OTOGL: variants seen among roughly 807,000 people sequenced by gnomAD.
The protein encoded by OTOGL is otogelin like.
OTOGL carries 285 observed loss-of-function variants against 318.5 expected under a neutral mutation model. That is an observed-to-expected ratio of 0.89 (90% confidence interval 0.81 to 0.99). The LOEUF (loss-of-function observed/expected upper bound fraction) is 0.99, where lower values mean the gene tolerates loss of function less well. Among genes scored for constraint, OTOGL ranks in the 50% least tolerant of loss-of-function variants. OTOGL has a pLI of 0.00. For synonymous variants in OTOGL, 987 were observed against 936.5 expected, an observed-to-expected ratio of 1.05 and a Z score of -0.99; for missense variants, 2,899 against 2,845.6, an observed-to-expected ratio of 1.02 and a Z score of -0.43.
intron 1 of OTOGL, among the ~76,000 whole-genome samples, chr12:80,151,311 G>A (rs1249506619): frequency 6.6e-6 from 1 of 152,194 alleles, no homozygotes; most frequent in Non-Finnish European, 1.5e-5. Context: ...CGAGCCTAAA[G>A]TATCCCATGG....
chr12:80,130,015 T>TC (rs1363210916), intron 1 of OTOGL, among the ~76,000 whole-genome samples: 1 of 152,206 alleles, frequency 6.6e-6, no homozygotes, highest in Non-Finnish European at 1.5e-5. Flanking sequence ...TGCCTATTTT[T>TC]CCTCTGTAAT....
Position 80,148,244 on chromosome 12 carries a change from G to T in OTOGL, c.-20+48639G>T, listed in dbSNP as rs535371618. Among the ~76,000 whole-genome samples, 67 of 146,354 alleles carry T rather than the reference G, an allele frequency of 4.6e-4. 2 individuals carry two copies. Among genetic ancestry groups the T allele is most frequent in the Admixed American group, 1.6e-3 (24 of 14,596 alleles). ...TCCTTCAGGAGCTCTTGTAGGGCAG[G>T]TCCGGTGGTGACAAAATCTCTCAGC... On this transcript the variant is annotated intron_variant, in intron 1 of 58. Coordinates refer to ENST00000547103, the MANE Select transcript of OTOGL (RefSeq NM_001378609.3).
At chr12:80,188,065 G>T (rs949246828) in intron 1 of OTOGL, among the ~76,000 whole-genome samples, 2 of 152,282 alleles carry the variant, frequency 1.3e-5, no homozygotes, top group South Asian at 2.1e-4. Context: ...TGGGGAGAGG[G>T]TTGAGATTTC....
At chr12:80,231,429 G>T (rs940108926) in intron 8 of OTOGL, among the ~76,000 whole-genome samples, 1 of 151,902 alleles carries the variant, frequency 6.6e-6, no homozygotes, top group Non-Finnish European at 1.5e-5. Context: ...CAGATATTTT[G>T]AATTGTTTCT....
chr12:80,370,682 G>A lies in OTOGL; in HGVS notation c.6728G>A (p.Cys2243Tyr). The A allele has an allele frequency of 1.3e-6, 2 of 1,573,202 alleles. No individual in the cohort carries two copies. Among genetic ancestry groups the A allele is most frequent in the Non-Finnish European group, 8.7e-7 (1 of 1,155,886 alleles). ...MVCPPFNETE[C>Y]KMNEGIVKLY... is the part of the protein sequence containing the mutation. ...TGTCCCCCTTTTAATGAGACTGAAT[G>A]CAAAATGGTTTGTACTTTGTTGTAT... Residue 2243 changes from cysteine (C) to tyrosine (Y), a missense_variant, in exon 56 of 59, where the codon TGC (cysteine) becomes TAC (tyrosine). Physicochemically the swap from Cys to Tyr is radical, Grantham distance 194 (BLOSUM62 -2). Coordinates refer to ENST00000547103, the MANE Select transcript of OTOGL (RefSeq NM_001378609.3).
At chr12:80,157,250 G>C (rs940667566) in intron 1 of OTOGL, among the ~76,000 whole-genome samples, 4 of 152,024 alleles carry the variant, frequency 2.6e-5, no homozygotes, top group African/African-American at 9.7e-5. Flanking sequence ...TTTGAGAACT[G>C]TCTATTCAAA....
intron 1 of OTOGL, among the ~76,000 whole-genome samples, chr12:80,107,523 T>C (rs1869525301): frequency 6.6e-6 from 1 of 152,174 alleles, no homozygotes; most frequent in African/African-American, 2.4e-5. Flanking sequence ...AGTTTAGCCA[T>C]TGTAGAAAGC....
intron 1 of OTOGL, among the ~76,000 whole-genome samples, chr12:80,107,220 C>G (rs891215905): frequency 2.6e-5 from 4 of 152,016 alleles, no homozygotes; most frequent in African/African-American, 9.7e-5. Flanking sequence ...CCTTTTGGAA[C>G]TTAAATTTAC....
In OTOGL at chr12:80,287,777, G is replaced by T. The variant is rs538298437; in HGVS notation, c.2928+8611G>T. ...AAATATTCTTCCATTCCTTTATTTT[G>T]AGCCTATGTGTGTCTTTACACATGA... On this transcript the variant is annotated intron_variant, in intron 26 of 58. Coordinates refer to ENST00000547103, the MANE Select transcript of OTOGL (RefSeq NM_001378609.3). Among the ~76,000 whole-genome samples, 11 of 150,654 alleles carry T rather than the reference G, an allele frequency of 7.3e-5. No homozygotes were observed. In the South Asian group the frequency reaches 2.3e-3, roughly 32 times the overall value.
chr12:80,308,169 A>G (rs2137772532), intron 29 of OTOGL, among the ~76,000 whole-genome samples: 1 of 146,286 alleles, frequency 6.8e-6, no homozygotes, highest in East Asian at 2.1e-4. Flanking sequence ...TCCCTCCCGG[A>G]CGAGGTGGCT....
At chr12:80,373,432 AAAACAAACAAAC>A (rs57094353) in intron 57 of OTOGL, among the ~76,000 whole-genome samples, 1,586 of 150,624 alleles carry the variant, frequency 0.011, 26 homozygotes, top group Admixed American at 0.041. Flanking sequence ...CTCTGTCTCC[AAAACAAACAAAC>A]AAACAAACAA....
intron 1 of OTOGL, among the ~76,000 whole-genome samples, chr12:80,117,275 A>C (rs1038150080): frequency 6.6e-6 from 1 of 152,112 alleles, no homozygotes; most frequent in African/African-American, 2.4e-5. Flanking sequence ...AAATATATAT[A>C]TATAAAATGG....
At chr12:80,253,781 A>G (rs1334128532) in intron 14 of OTOGL, among the ~76,000 whole-genome samples, 1 of 152,110 alleles carries the variant, frequency 6.6e-6, no homozygotes, top group Non-Finnish European at 1.5e-5. Flanking sequence ...TGGTAATTCT[A>G]TAACATCTTA....
chr12:80,228,629 T>A (rs1336929222), intron 7 of OTOGL, among the ~76,000 whole-genome samples: 2 of 152,150 alleles, frequency 1.3e-5, no homozygotes, highest in Non-Finnish European at 2.9e-5. Context: ...TATACTTTAC[T>A]TTTTGGACCT....
At chr12:80,262,198 A>C in intron 19 of OTOGL, 105 bp downstream of exon 19, 1 of 1,177,348 alleles carries the variant, frequency 8.5e-7, no homozygotes, top group East Asian at 2.9e-5. Context: ...AATTTTCTCC[A>C]TTATGGTAAA....
intron 37 of OTOGL, among the ~76,000 whole-genome samples, chr12:80,331,720 A>T (rs1888083377): frequency 6.6e-6 from 1 of 152,218 alleles, no homozygotes; most frequent in Non-Finnish European, 1.5e-5. Flanking sequence ...TTAAGTCCCC[A>T]GAATTTATGA....
At chr12:80,151,169 A>G (rs1872758697) in intron 1 of OTOGL, among the ~76,000 whole-genome samples, 1 of 152,200 alleles carries the variant, frequency 6.6e-6, no homozygotes, top group Non-Finnish European at 1.5e-5. Flanking sequence ...TTCTAATTGA[A>G]TAAGCCATCC....
chr12:80,352,067 A>T (rs1322679842), intron 44 of OTOGL, among the ~76,000 whole-genome samples: 1 of 152,200 alleles, frequency 6.6e-6, no homozygotes, highest in African/African-American at 2.4e-5. Flanking sequence ...TTTCTTTTCC[A>T]TCTTTATAAG....
In OTOGL at chr12:80,320,925, A is replaced by T. The variant is rs984828129; in HGVS notation, c.4081+225A>T. Among the ~76,000 whole-genome samples, 5 of 152,128 alleles carry T rather than the reference A, an allele frequency of 3.3e-5. No homozygotes were observed. The East Asian group carries it at 9.6e-4, about 29-fold the overall frequency. On this transcript the variant is annotated intron_variant, in intron 34 of 58. Coordinates refer to ENST00000547103, the MANE Select transcript of OTOGL (RefSeq NM_001378609.3). The stretch of plus-strand genomic sequence containing the variant: ...GTTATGGTGAGTATTGAATAAGTTG[A>T]TGTAAATTACTTAGAACAATCCTAA...
Sources: gnomAD v4.1 joint callset for allele counts (sites outside exome capture counted in the v4.1 genomes callset) on GRCh38, gnomAD v4.1.1 for gene constraint, MANE v1.5 for transcripts, NCBI Gene and HGNC (gene_info 2026-07-23, HGNC 2026-07-21) for gene names.